The following TLE4 variants were observed in gnomAD, a reference collection of about 807,000 sequenced individuals.
TLE4 encodes transducin-like enhancer protein 4.
A neutral mutation model predicts 92.8 loss-of-function variants in TLE4; 8 were observed. The observed-to-expected ratio is 0.09, with a 90% CI of 0.05 to 0.16. TLE4 has a LOEUF of 0.16. Ranked by LOEUF, TLE4 falls within the 10% of genes least tolerant of loss-of-function variation. The pLI is 1.00. For missense variants in TLE4, 675 were observed against 997.6 expected (o/e 0.68, Z 4.36); for synonymous variants, 371 against 374.1 (o/e 0.99, Z 0.10).
intron 4 of TLE4, chr9:79,601,639 A>G (rs576461692): frequency 9.0e-5 from 33 of 368,366 alleles, no homozygotes; most frequent in East Asian, 4.4e-4. Flanking sequence ...TCAGACAGCA[A>G]ACTTAATTAA....
intron 4 of TLE4, among the ~76,000 whole-genome samples, chr9:79,593,741 A>T (rs1407649297): frequency 6.6e-6 from 1 of 152,214 alleles, no homozygotes; most frequent in Non-Finnish European, 1.5e-5. Flanking sequence ...TGTCTGATGG[A>T]GATCATGTCA....
At chr9:79,577,567 G>A (rs2038256282) in intron 4 of TLE4, among the ~76,000 whole-genome samples, 1 of 152,108 alleles carries the variant, frequency 6.6e-6, no homozygotes, top group African/African-American at 2.4e-5. Flanking sequence ...TCTTGTGGAT[G>A]GACTTCTCTT....
At chr9:79,668,768 A>C in intron 8 of TLE4, 1 of 972,576 alleles carries the variant, frequency 1.0e-6, no homozygotes, top group African/African-American at 1.8e-5. Flanking sequence ...CATCTACTGG[A>C]ACGCTTTTAA....
At chr9:79,604,512 A>G (rs930654735) in intron 4 of TLE4, among the ~76,000 whole-genome samples, 1 of 152,148 alleles carries the variant, frequency 6.6e-6, no homozygotes, top group South Asian at 2.1e-4. Flanking sequence ...GGAATTTTAT[A>G]TAATTGGGAG....
chr9:79,635,795 A>G (rs1483026555), intron 6 of TLE4, among the ~76,000 whole-genome samples: 2 of 152,076 alleles, frequency 1.3e-5, no homozygotes, highest in Non-Finnish European at 2.9e-5. Context: ...GATGTTCTCC[A>G]TTCCGTTTTG....
intron 6 of TLE4, among the ~76,000 whole-genome samples, chr9:79,635,249 G>T (rs2055427324): frequency 1.3e-5 from 2 of 151,864 alleles, no homozygotes; most frequent in African/African-American, 4.8e-5. Context: ...CTTTTTTGCT[G>T]TCTCTGTATC....
intron 5 of TLE4, among the ~76,000 whole-genome samples, chr9:79,613,653 C>T (rs542196792): frequency 2.6e-5 from 4 of 152,216 alleles, no homozygotes; most frequent in Admixed American, 2.0e-4. Flanking sequence ...TTCTTCCTAC[C>T]CTTTCAGTTG....
At chr9:79,574,123 A>AT (rs2036899246) in intron 2 of TLE4, 1 of 176,888 alleles carries the variant, frequency 5.7e-6, no homozygotes, top group African/African-American at 2.4e-5. Flanking sequence ...TTGGTTCTTT[A>AT]TTACTCCGGA....
intron 8 of TLE4, among the ~76,000 whole-genome samples, chr9:79,695,889 GCT>G (rs1224776201): frequency 6.6e-6 from 1 of 152,220 alleles, no homozygotes; most frequent in Non-Finnish European, 1.5e-5. Context: ...GTTGTCTGAT[GCT>G]CTGAGAAGGA....
At chr9:79,709,122 C>T (rs1316052533) in intron 13 of TLE4, among the ~76,000 whole-genome samples, 1 of 152,154 alleles carries the variant, frequency 6.6e-6, no homozygotes, top group Non-Finnish European at 1.5e-5. Context: ...CATGAGTCAC[C>T]ATGCCTGGCC....
At chr9:79,599,421 G>A (rs1418999175) in intron 4 of TLE4, among the ~76,000 whole-genome samples, 1 of 152,166 alleles carries the variant, frequency 6.6e-6, no homozygotes, top group African/African-American at 2.4e-5. Flanking sequence ...CGTCTGGAGT[G>A]AGGCCTGGGT....
At chr9:79,664,447 A>G (rs753555035) in intron 8 of TLE4, among the ~76,000 whole-genome samples, 10 of 152,140 alleles carry the variant, frequency 6.6e-5, no homozygotes, top group Non-Finnish European at 1.2e-4. Flanking sequence ...CAGGGATTAT[A>G]ACCAAACCAT....
At chr9:79,585,638 T>G (rs1254786721) in intron 4 of TLE4, among the ~76,000 whole-genome samples, 1 of 149,546 alleles carries the variant, frequency 6.7e-6, no homozygotes, top group African/African-American at 2.5e-5. Context: ...GGTTTGTTGC[T>G]GTGATCCAGT....
intron 5 of TLE4, among the ~76,000 whole-genome samples, chr9:79,621,501 T>C (rs2050966619): frequency 1.3e-5 from 2 of 152,134 alleles, no homozygotes; most frequent in Admixed American, 1.3e-4. Context: ...GATTTCAACT[T>C]AGTATTAGGG....
intron 6 of TLE4, among the ~76,000 whole-genome samples, chr9:79,632,126 GCTTTGTGGGAAAC>G (rs1312202041): frequency 6.6e-6 from 1 of 152,156 alleles, no homozygotes; most frequent in East Asian, 1.9e-4. Flanking sequence ...TTCCCCCAGT[GCTTTGTGGGAAAC>G]CTTTGTGGGG....
At chr9:79,621,736 GTTGA>G (rs1450276120) in intron 5 of TLE4, among the ~76,000 whole-genome samples, 2 of 152,136 alleles carry the variant, frequency 1.3e-5, no homozygotes, top group African/African-American at 4.8e-5. Flanking sequence ...AGAGTCTTTT[GTTGA>G]TTGGTTGGTT....
At chr9:79,574,233 A>G (rs2131827840) in intron 2 of TLE4, 1 of 152,908 alleles carries the variant, frequency 6.5e-6, no homozygotes, top group South Asian at 2.1e-4. Flanking sequence ...AAAAAAAAAA[A>G]AAATGTTTTC....
intron 4 of TLE4, among the ~76,000 whole-genome samples, chr9:79,600,144 A>G (rs1312720511): frequency 7.9e-5 from 12 of 152,252 alleles, no homozygotes; most frequent in Admixed American, 7.2e-4. Flanking sequence ...AATATTTTAA[A>G]TTGCCTACAG....
Position 79,672,851 on chromosome 9 carries a change from C to G in TLE4, c.609+18776C>G, listed in dbSNP as rs548109128. Reference sequence around the variant, plus strand: ...ATGTGTTTCTGTAGCTCAGAAAACCCTAAGAGGAAGGACCAGATAAAGTGG... The same window carrying G: ...ATGTGTTTCTGTAGCTCAGAAAACCGTAAGAGGAAGGACCAGATAAAGTGG... On this transcript the variant is annotated intron_variant, in intron 8 of 19. Coordinates refer to ENST00000376552, the MANE Select transcript of TLE4 (RefSeq NM_007005.6). Among the ~76,000 whole-genome samples, 14 of 152,180 alleles carry G rather than the reference C, an allele frequency of 9.2e-5. No individual in the cohort carries two copies. In the South Asian group the frequency reaches 2.7e-3, roughly 29 times the overall value.
Sources: gnomAD v4.1 joint callset for allele counts (sites outside exome capture counted in the v4.1 genomes callset) on GRCh38, gnomAD v4.1.1 for gene constraint, MANE v1.5 for transcripts, NCBI Gene and HGNC (gene_info 2026-07-23, HGNC 2026-07-21) for gene names.